ARID1A: variants seen among roughly 807,000 people sequenced by gnomAD.
The protein encoded by ARID1A is AT-rich interactive domain-containing protein 1A.
Under a neutral mutation model 212.6 loss-of-function variants are expected in ARID1A, and 20 were observed. That is an observed-to-expected ratio of 0.09 (90% CI 0.07 to 0.14). ARID1A has a LOEUF of 0.14. ARID1A is among the 10% of genes least tolerant of loss of function. ARID1A has a pLI of 1.00. For missense variants in ARID1A, 2,587 were observed against 3,059.0 expected, an observed-to-expected ratio of 0.85 and a Z score of 3.64; for synonymous variants, 1,376 against 1,222.1, an observed-to-expected ratio of 1.13 and a Z score of -2.63.
chr1:26,720,079 C>T (rs1394761784), intron 1 of ARID1A, among the ~76,000 whole-genome samples: 6 of 150,912 alleles, frequency 4.0e-5, no homozygotes, highest in Non-Finnish European at 5.9e-5. Context: ...GGTGAAACCC[C>T]GTTGCTACTA....
chr1:26,700,686 G>A (rs1299394217), intron 1 of ARID1A, among the ~76,000 whole-genome samples: 1 of 152,132 alleles, frequency 6.6e-6, no homozygotes, highest in Non-Finnish European at 1.5e-5. Flanking sequence ...TTTCTACTAC[G>A]GAAACATCAA....
Position 26,774,867 on chromosome 1 carries a change from C to T in ARID1A, c.4640C>T (p.Ser1547Phe). The change falls in exon 18 of 20, where the codon TCC becomes TTC. Residue 1547 changes from serine to phenylalanine, a missense_variant. Around this residue, in one of 11 missense-constraint regions of ARID1A, gnomAD observed 890 missense variants for 1,098.2 expected, o/e 0.81. Coordinates refer to ENST00000324856, the MANE Select transcript of ARID1A (RefSeq NM_006015.6). The surrounding 1 kb of genome is among the most constrained non-coding windows in gnomAD (Gnocchi z 5.6). Reference sequence around the variant, plus strand: ...GCCAACCACGAAGGCTCGTGGCCTTCCCATGGCACACGCCAGCCCCCATAT... The same window carrying T: ...GCCAACCACGAAGGCTCGTGGCCTTTCCATGGCACACGCCAGCCCCCATAT... The part of the protein sequence containing the change: ...QRANHEGSWP[S>F]HGTRQPPYGP... The T allele has an allele frequency of 6.2e-7, 1 of 1,602,100 alleles. No homozygotes were observed. The highest frequency in any genetic ancestry group is 1.3e-5 in the African/African-American group (1 of 74,806).
In ARID1A at chr1:26,736,359, G is replaced by A. The variant is rs373062727; in HGVS notation, c.1920+3567G>A. 1.7e-3 allele frequency among the ~76,000 whole-genome samples: 250 copies of A among 151,430 alleles called. 11 individuals are homozygous for A. The South Asian group carries it at 0.05, about 31-fold the overall frequency. The stretch of plus-strand genomic sequence containing the variant: ...AAAAAAAAAAGTATAGCTGGGCGCG[G>A]TGGCTCACACCTGTAATCCCAGCAC... On this transcript the variant is annotated intron_variant, in intron 4 of 19. Transcript: ENST00000324856.
intron 1 of ARID1A, among the ~76,000 whole-genome samples, chr1:26,702,217 G>A (rs1030905198): frequency 3.9e-5 from 6 of 152,274 alleles, no homozygotes; most frequent in South Asian, 4.1e-4. Flanking sequence ...GAAAAGCTGC[G>A]TTTCAGGGTC....
At position 26,710,488 on chromosome 1, in the gene ARID1A, A is replaced by AC. The variant is rs1246047317; in HGVS notation, c.1137+12948_1137+12949insC. Among the ~76,000 whole-genome samples, 3 of 13,086 alleles carry AC rather than the reference A, an allele frequency of 2.3e-4. No individual in the cohort carries two copies. In the South Asian group the frequency reaches 7.3e-3, roughly 32 times the overall value. The allele number at this position is 13,086 out of a possible 152,430, so 8.6% of individuals were successfully genotyped here. A position where few individuals can be genotyped will look rare whatever the true frequency, so the allele number is the denominator to read the frequency against. On this transcript the variant is annotated intron_variant, in intron 1 of 19. Coordinates refer to ENST00000324856, the MANE Select transcript of ARID1A (RefSeq NM_006015.6). ...GAGATGCCATCTCAAAAAATAAAATAATACATACACACACACACACACACA... is the reference window on the plus strand; with the variant it reads ...GAGATGCCATCTCAAAAAATAAAATACATACATACACACACACACACACACA...
At chr1:26,706,708 T>A (rs997917007) in intron 1 of ARID1A, among the ~76,000 whole-genome samples, 1 of 152,230 alleles carries the variant, frequency 6.6e-6, no homozygotes, top group African/African-American at 2.4e-5. Context: ...TGTTGCTTTC[T>A]GTTGTCCTTA....
At chr1:26,744,582 T>A (rs2080819190) in intron 4 of ARID1A, among the ~76,000 whole-genome samples, 1 of 152,220 alleles carries the variant, frequency 6.6e-6, no homozygotes, top group Admixed American at 6.5e-5. Context: ...CACTTATTAG[T>A]ACACAGAGCT....
intron 4 of ARID1A, among the ~76,000 whole-genome samples, chr1:26,759,717 A>T (rs2080973446): frequency 1.3e-5 from 2 of 152,218 alleles, no homozygotes; most frequent in Non-Finnish European, 2.9e-5. Flanking sequence ...ACCTAGAGTG[A>T]ACTCTTTATT....
chr1:26,733,161 C>T (rs2080696773), intron 4 of ARID1A, among the ~76,000 whole-genome samples: 1 of 152,104 alleles, frequency 6.6e-6, no homozygotes, highest in South Asian at 2.1e-4. Flanking sequence ...TAATGTTTAG[C>T]TACAAGGTAG....
rs1244800396 is a variant in ARID1A at position 26,781,806 on chromosome 1, G to C, written c.*1050G>C. The C allele has an allele frequency of 1.3e-5, 3 of 233,582 alleles. No homozygotes were observed. The highest frequency in any genetic ancestry group is 2.5e-5 in the Non-Finnish European group (3 of 118,050). 14.5% of individuals were successfully genotyped at this position (233,582 alleles called of 1,614,324 possible). ...CAGGTCTCTGTAAAAAGTCCTTGCTGTCTCAGCAGCCAATCAACTTATAGT... is the reference window on the plus strand; with the variant it reads ...CAGGTCTCTGTAAAAAGTCCTTGCTCTCTCAGCAGCCAATCAACTTATAGT... On this transcript the variant is annotated 3_prime_UTR_variant, in exon 20 of 20. Transcript: ENST00000324856.
At chr1:26,773,210 C>G in intron 14 of ARID1A, 136 bp from the exon 15 acceptor site, 1 of 1,358,192 alleles carries the variant, frequency 7.4e-7, no homozygotes, top group Non-Finnish European at 1.0e-6. Context: ...GTTGGGGCCT[C>G]TTTAGATCTC....
At chr1:26,737,977 G>T (rs1045207218) in intron 4 of ARID1A, among the ~76,000 whole-genome samples, 2 of 152,100 alleles carry the variant, frequency 1.3e-5, no homozygotes, top group East Asian at 1.9e-4. Context: ...ATCCCGATTT[G>T]CAGGTAGAGA....
intron 8 of ARID1A, chr1:26,764,670 T>C (rs1557610223): frequency 6.6e-6 from 1 of 152,160 alleles, no homozygotes; most frequent in Non-Finnish European, 1.5e-5. Flanking sequence ...AAAGTTTGCA[T>C]TGGGCCCCTC....
chr1:26,775,720 G>T lies in ARID1A; in HGVS notation c.5124+13G>T. 1 of 1,614,158 alleles carries T rather than the reference G, an allele frequency of 6.2e-7. No individual in the cohort carries two copies. The highest frequency in any genetic ancestry group is 8.5e-7 in the Non-Finnish European group (1 of 1,180,026). On this transcript the variant is annotated intron_variant, in intron 19 of 19. Coordinates refer to ENST00000324856, the MANE Select transcript of ARID1A (RefSeq NM_006015.6). ...CAACCTCAGTCAGGTGAGTATCAGT[G>T]CCTGGGGAAGATTGAGAGGGTTTGG...
At position 26,774,193 on chromosome 1, in the gene ARID1A, A is replaced by G. The variant is rs1557615876; in HGVS notation, c.4102-136A>G. 2.1e-6 allele frequency: 3 copies of G among 1,439,816 alleles called. No individual in the cohort carries two copies. Among genetic ancestry groups the G allele is most frequent in the Non-Finnish European group, 1.8e-6 (2 of 1,091,014 alleles). 89.2% of individuals were successfully genotyped at this position (1,439,816 alleles called of 1,614,324 possible). A position where few individuals can be genotyped will look rare whatever the true frequency, so the allele number is the denominator to read the frequency against. On this transcript the variant is annotated intron_variant, in intron 17 of 19. Coordinates refer to ENST00000324856, the MANE Select transcript of ARID1A (RefSeq NM_006015.6). This position sits in a 1 kb window ranked among gnomAD's most constrained non-coding sequence, Gnocchi z 5.6. The stretch of plus-strand genomic sequence containing the variant: ...GCTTTTGGAAACAACTTCAAAAGAC[A>G]ATTTGTTAAGGTGATTCCCATGTTT...
intron 1 of ARID1A, among the ~76,000 whole-genome samples, chr1:26,708,415 G>A (rs1343594882): frequency 6.6e-6 from 1 of 150,466 alleles, no homozygotes; most frequent in African/African-American, 2.5e-5. Flanking sequence ...CTCCTGAGTA[G>A]CTGGGATTAC....
intron 19 of ARID1A, chr1:26,778,135 CCTG>C (rs1416409173): frequency 6.6e-6 from 1 of 151,726 alleles, no homozygotes; most frequent in Non-Finnish European, 1.5e-5. Context: ...GTGGCAGGCG[CCTG>C]TAATCCCAGC....
At chr1:26,698,373 C>T (rs1365564143) in intron 1 of ARID1A, among the ~76,000 whole-genome samples, 1 of 152,204 alleles carries the variant, frequency 6.6e-6, no homozygotes, top group East Asian at 1.9e-4. Context: ...CTTTTACACT[C>T]TGCTTTTCTG....
intron 4 of ARID1A, among the ~76,000 whole-genome samples, chr1:26,739,740 TG>T (rs2080770046): frequency 6.6e-6 from 1 of 152,198 alleles, no homozygotes; most frequent in Non-Finnish European, 1.5e-5. Flanking sequence ...CTCTGCTCTA[TG>T]GTGCTCATCA....
Sources: gnomAD v4.1 joint callset for allele counts (sites outside exome capture counted in the v4.1 genomes callset) on GRCh38, gnomAD v4.1.1 for gene constraint, gnomAD v4.1.1 regional missense constraint, Gnocchi (gnomAD v3.1) non-coding constraint, MANE v1.5 for transcripts, NCBI Gene and HGNC (gene_info 2026-07-23, HGNC 2026-07-21) for gene names.